Variants in PLEKHA7 observed in about 807,000 individuals in gnomAD.
The protein encoded by PLEKHA7 is pleckstrin homology domain-containing family A member 7.
PLEKHA7 carries 104 observed loss-of-function variants against 170.0 expected under a neutral mutation model. That is an observed-to-expected ratio of 0.61 (90% confidence interval 0.52 to 0.72). PLEKHA7 has a LOEUF of 0.72. PLEKHA7 is among the 30% of genes least tolerant of loss of function. The pLI is 0.00. For missense variants in PLEKHA7, 1,615 were observed against 1,671.7 expected (o/e 0.97, Z 0.59); for synonymous variants, 648 against 660.8 (o/e 0.98, Z 0.30).
rs552751522 is a variant in PLEKHA7, at chr11:16,893,978, A to G, written c.222-22796T>C. On this transcript the variant is annotated intron_variant, in intron 3 of 26. Transcript: ENST00000531066. The stretch of plus-strand genomic sequence containing the variant: ...GCTGTACTGAATCAGGTTAGGAAGC[A>G]TCCTTCAGCCCACCCTGCTGGGGAC... 1.3e-4 allele frequency among the ~76,000 whole-genome samples: 20 copies of G among 152,344 alleles called. No homozygotes were observed. In the South Asian group the frequency reaches 4.1e-3, roughly 32 times the overall value.
chr11:16,994,096 T>C (rs1864201416), intron 3 of PLEKHA7, among the ~76,000 whole-genome samples: 1 of 152,238 alleles, frequency 6.6e-6, no homozygotes, highest in Admixed American at 6.5e-5. Flanking sequence ...GGTCTTTCCC[T>C]ATGGCCCCTA....
Position 16,862,384 on chromosome 11 carries a change from T to A in PLEKHA7, c.306-6470A>T, listed in dbSNP as rs150941899. 8.6e-3 allele frequency among the ~76,000 whole-genome samples: 1,312 copies of A among 152,308 alleles called. 21 individuals are homozygous for A. The highest frequency in any genetic ancestry group is 0.029 in the African/African-American group (1,216 of 41,554). On this transcript the variant is annotated intron_variant, in intron 4 of 26. Transcript: ENST00000531066. Reference sequence around the variant, plus strand: ...CCCTGGACCAGTCTCTTCTAACCAGTGCCTTTGGTGAGCCCTCTTCTAGCC... The same window carrying A: ...CCCTGGACCAGTCTCTTCTAACCAGAGCCTTTGGTGAGCCCTCTTCTAGCC...
chr11:16,814,608 A>AT (rs1849611798), intron 12 of PLEKHA7, among the ~76,000 whole-genome samples: 1 of 152,132 alleles, frequency 6.6e-6, no homozygotes, highest in Non-Finnish European at 1.5e-5. Context: ...CAGGCCTTGG[A>AT]TTTTGGCTGC....
chr11:16,989,615 T>C (rs1398883129), intron 3 of PLEKHA7, among the ~76,000 whole-genome samples: 1 of 152,186 alleles, frequency 6.6e-6, no homozygotes, highest in Non-Finnish European at 1.5e-5. Context: ...TCATCTTTGG[T>C]TTATCCATCT....
chr11:16,820,496 T>TA (rs901080287), intron 10 of PLEKHA7, among the ~76,000 whole-genome samples: 3 of 152,098 alleles, frequency 2.0e-5, no homozygotes, highest in Non-Finnish European at 4.4e-5. Flanking sequence ...CTCCCAAAGT[T>TA]AGACACAAAT....
chr11:16,867,272 C>T (rs1205645386), intron 4 of PLEKHA7, among the ~76,000 whole-genome samples: 1 of 152,144 alleles, frequency 6.6e-6, no homozygotes, highest in Non-Finnish European at 1.5e-5. Flanking sequence ...TTCAGTAGGC[C>T]TGGGGTGGGG....
intron 3 of PLEKHA7, among the ~76,000 whole-genome samples, chr11:17,001,873 G>A (rs1429117310): frequency 1.3e-5 from 2 of 152,238 alleles, no homozygotes; most frequent in Non-Finnish European, 2.9e-5. Context: ...GACCTCAAGA[G>A]GGCGAGGCTC....
chr11:16,950,252 T>C (rs1861319553), intron 3 of PLEKHA7, among the ~76,000 whole-genome samples: 1 of 152,084 alleles, frequency 6.6e-6, no homozygotes, highest in East Asian at 1.9e-4. Context: ...GGCATGGACA[T>C]GAATATCATT....
rs1438798276 is a variant in PLEKHA7, at chr11:16,779,035, A to T, written c.3794-15T>A. The T allele has an allele frequency of 1.4e-6, 1 of 702,518 alleles. No homozygotes were observed. Among genetic ancestry groups the T allele is most frequent in the African/African-American group, 1.7e-5 (1 of 57,272 alleles). The allele number at this position is 702,518 out of a possible 1,614,324, so 43.5% of individuals were successfully genotyped here. On this transcript the variant is annotated splice_polypyrimidine_tract_variant and intron_variant, in intron 26 of 26. Coordinates refer to ENST00000531066, the MANE Select transcript of PLEKHA7 (RefSeq NM_001329630.2). Reference sequence around the variant, plus strand: ...CACTGCCTGGGCTGGCAAAAAGCACAGGAGACAGTGAGAGGCTGGCATCCA... The same window carrying T: ...CACTGCCTGGGCTGGCAAAAAGCACTGGAGACAGTGAGAGGCTGGCATCCA...
In PLEKHA7 at chr11:16,798,911, A is replaced by C. The variant is rs540709829; in HGVS notation, c.2409+2063T>G. 3.3e-5 allele frequency among the ~76,000 whole-genome samples: 5 copies of C among 152,372 alleles called. No individual in the cohort carries two copies. In the South Asian group the frequency reaches 8.3e-4, roughly 25 times the overall value. ...CTGAAAATAATTAAATGCTATCAGA[A>C]GAGGAATGGCTAAATAAAGTAGAAA... On this transcript the variant is annotated intron_variant, in intron 17 of 26. Coordinates refer to ENST00000531066, the MANE Select transcript of PLEKHA7 (RefSeq NM_001329630.2).
At chr11:16,941,821 T>C (rs920653487) in intron 3 of PLEKHA7, among the ~76,000 whole-genome samples, 2 of 152,264 alleles carry the variant, frequency 1.3e-5, no homozygotes, top group African/African-American at 4.8e-5. Flanking sequence ...ACCTAATACA[T>C]AAAGTAAAGC....
chr11:16,891,941 G>A (rs986321823), intron 3 of PLEKHA7, among the ~76,000 whole-genome samples: 1 of 152,192 alleles, frequency 6.6e-6, no homozygotes, highest in Non-Finnish European at 1.5e-5. Context: ...TGTTCCCTGA[G>A]GTTCAACATG....
intron 12 of PLEKHA7, among the ~76,000 whole-genome samples, chr11:16,813,637 G>T (rs1368749157): frequency 2.6e-5 from 4 of 152,196 alleles, no homozygotes; most frequent in African/African-American, 9.6e-5. Context: ...GAGGCAGGGA[G>T]ATGGCCTGGG....
chr11:16,819,774 A>G (rs537332038), intron 10 of PLEKHA7, among the ~76,000 whole-genome samples: 1 of 152,340 alleles, frequency 6.6e-6, no homozygotes, highest in South Asian at 2.1e-4. Flanking sequence ...CAGAGTAGAG[A>G]GGTAGTTACC....
chr11:16,997,342 T>C (rs1864401223), intron 3 of PLEKHA7, among the ~76,000 whole-genome samples: 1 of 152,062 alleles, frequency 6.6e-6, no homozygotes, highest in Non-Finnish European at 1.5e-5. Flanking sequence ...AGAGTGAGGT[T>C]TTCATGCTGA....
At position 16,908,755 on chromosome 11, in the gene PLEKHA7, C is replaced by T. The variant is rs147171717; in HGVS notation, c.222-37573G>A. On this transcript the variant is annotated intron_variant, in intron 3 of 26. Transcript: ENST00000531066. ...AGGTGATCCACCCGGCTCAGCCTCC[C>T]GAAGTGCTGGGATTACAGGCATGAG... Among the ~76,000 whole-genome samples the T allele has an allele frequency of 6.2e-3, 939 of 152,248 alleles. 12 individuals carry two copies. The highest frequency in any genetic ancestry group is 0.021 in the African/African-American group (854 of 41,534).
At chr11:16,828,725 C>CA (rs1850861977) in intron 9 of PLEKHA7, among the ~76,000 whole-genome samples, 2 of 152,240 alleles carry the variant, frequency 1.3e-5, no homozygotes, top group South Asian at 2.1e-4. Context: ...CTCCTACCCT[C>CA]AGTCCAGGTG....
At position 16,787,309 on chromosome 11, in the gene PLEKHA7, C is replaced by T. The variant is rs867958024; in HGVS notation, c.3358-922G>A. 1.3e-5 allele frequency: 11 copies of T among 857,992 alleles called. No homozygotes were observed. In the African/African-American group the frequency reaches 1.5e-4, roughly 11 times the overall value. The allele number at this position is 857,992 out of a possible 1,614,324, so 53.1% of individuals were successfully genotyped here. The stretch of plus-strand genomic sequence containing the variant: ...CTCTCCCATCCATCCACCTCAAAGC[C>T]CCAAATGGTCCTGATTGTCTTTGAT... On this transcript the variant is annotated intron_variant, in intron 23 of 26. Transcript: ENST00000531066.
At chr11:16,923,664 T>C (rs553694929) in intron 3 of PLEKHA7, among the ~76,000 whole-genome samples, 2 of 152,152 alleles carry the variant, frequency 1.3e-5, no homozygotes, top group East Asian at 3.9e-4. Flanking sequence ...TGGAAGCACC[T>C]CTCTGATACA....
Sources: allele counts gnomAD v4.1 joint callset (sites outside exome capture counted in the v4.1 genomes callset), GRCh38; gene constraint gnomAD v4.1.1; transcripts MANE v1.5; gene names NCBI Gene and HGNC (gene_info 2026-07-23, HGNC 2026-07-21).